Variants in BRWD1 observed in about 807,000 individuals in gnomAD.
The protein encoded by BRWD1 is bromodomain and WD repeat-containing protein 1.
In BRWD1, 82 loss-of-function variants were observed where a neutral mutation model predicts 251.2. The observed-to-expected ratio is 0.33, with a 90% CI of 0.27 to 0.39. BRWD1 has a LOEUF of 0.39. Ranked by LOEUF, BRWD1 falls within the 10% of genes least tolerant of loss-of-function variation. The pLI is 1.00. For missense variants in BRWD1, 2,233 were observed against 2,711.6 expected (o/e 0.82, Z 3.92); for synonymous variants, 918 against 902.8 (o/e 1.02, Z -0.30).
At chr21:39,202,911 T>G (rs887098782) in intron 37 of BRWD1, among the ~76,000 whole-genome samples, 37 of 152,296 alleles carry the variant, frequency 2.4e-4, no homozygotes, top group Admixed American at 2.2e-3. Flanking sequence ...CCCAACTTTC[T>G]CCTCTCTTAT....
intron 8 of BRWD1, among the ~76,000 whole-genome samples, chr21:39,281,195 G>C (rs529367744): frequency 6.6e-6 from 1 of 152,284 alleles, no homozygotes; most frequent in East Asian, 1.9e-4. Flanking sequence ...AAGGGTAACT[G>C]TACTTTTCAA....
At chr21:39,267,889 TTAAAAA>T (rs1158084926) in intron 15 of BRWD1, among the ~76,000 whole-genome samples, 1 of 152,150 alleles carries the variant, frequency 6.6e-6, no homozygotes. Flanking sequence ...TGTAAATTCT[TTAAAAA>T]TAAAAATTTC....
At chr21:39,271,318 G>A (rs1430324203) in intron 13 of BRWD1, among the ~76,000 whole-genome samples, 1 of 151,556 alleles carries the variant, frequency 6.6e-6, no homozygotes. Context: ...GATATGCAAA[G>A]GGTCTCTGCA....
chr21:39,194,676 A>G lies in BRWD1; in HGVS notation c.*1583T>C, dbSNP rs904761960. ...CTACAAAATAGGAACACTTCAGAAC[A>G]TTCTCTAACATTAATACCAGTCTGA... is the stretch of plus-strand genomic sequence containing the variant. On this transcript the variant is annotated 3_prime_UTR_variant, in exon 41 of 41. Transcript: ENST00000342449. 6.5e-7 allele frequency: 1 copy of G among 1,534,578 alleles called. No individual in the cohort carries two copies. The highest frequency in any genetic ancestry group is 8.7e-7 in the Non-Finnish European group (1 of 1,145,646).
intron 8 of BRWD1, among the ~76,000 whole-genome samples, chr21:39,288,643 C>T (rs1439351399): frequency 6.6e-6 from 1 of 152,142 alleles, no homozygotes; most frequent in Admixed American, 6.5e-5. Context: ...TAAAGCCTCA[C>T]CAATTGCATG....
intron 36 of BRWD1, among the ~76,000 whole-genome samples, chr21:39,208,254 T>C (rs1169159829): frequency 1.3e-5 from 2 of 152,170 alleles, no homozygotes; most frequent in Non-Finnish European, 1.5e-5. Context: ...CAGGGAAGAC[T>C]TGAATGAAAT....
intron 35 of BRWD1, 92 bp from the exon 36 acceptor site, chr21:39,210,239 G>C (rs1345781792): frequency 1.8e-6 from 2 of 1,103,464 alleles, no homozygotes; most frequent in South Asian, 1.6e-5. Context: ...TGAAATGATG[G>C]AAGAGAGGAA....
At chr21:39,269,858 A>G in intron 15 of BRWD1, 41 bp downstream of exon 15, 1 of 1,407,530 alleles carries the variant, frequency 7.1e-7, no homozygotes, top group Non-Finnish European at 9.4e-7. Context: ...ACTCTAAACA[A>G]ATTATCAAGC....
rs1465884118 is a variant in BRWD1 at position 39,272,771 on chromosome 21, C to T, written c.1244+1603G>A. Among the ~76,000 whole-genome samples, 5 of 151,902 alleles carry T rather than the reference C, an allele frequency of 3.3e-5. No homozygotes were observed. The East Asian group carries it at 9.8e-4, about 30-fold the overall frequency. ...TACAGGCGCATGCCACCATATCCGG[C>T]TAATTTTTCTATTTTTTTTTAGTAG... On this transcript the variant is annotated intron_variant, in intron 13 of 40. Coordinates refer to ENST00000342449, the MANE Select transcript of BRWD1 (RefSeq NM_033656.4).
intron 17 of BRWD1, among the ~76,000 whole-genome samples, chr21:39,262,777 A>C: frequency 6.6e-6 from 1 of 152,172 alleles, no homozygotes; most frequent in East Asian, 1.9e-4. Flanking sequence ...CAGAAAATGT[A>C]ACACTGATTA....
chr21:39,286,691 T>A (rs906889643), intron 8 of BRWD1, among the ~76,000 whole-genome samples: 1 of 151,902 alleles, frequency 6.6e-6, no homozygotes, highest in East Asian at 1.9e-4. Flanking sequence ...ATTTTTTGTA[T>A]TTTTAATACA....
Position 39,293,955 on chromosome 21 carries a change from T to C in BRWD1, c.687A>G (p.Ala229=). 3.1e-6 allele frequency: 5 copies of C among 1,614,202 alleles called. No individual in the cohort carries two copies. Among genetic ancestry groups the C allele is most frequent in the Middle Eastern group, 3.3e-4 (2 of 6,062 alleles). Residue 229 remains alanine (A), a synonymous_variant, in exon 8 of 41, where the codon GCA becomes GCG. Transcript: ENST00000342449. ...RLLSTLRGHS[A]EISDMAVNYE... ...AGTTTACTGCCATATCTGAAATTTC[T>C]GCAGAATGACCTCTTAATGTAGATA...
At position 39,189,049 on chromosome 21, in the gene BRWD1, A is replaced by G; in HGVS notation, c.*7210T>C. 1.0e-6 allele frequency: 1 copy of G among 985,048 alleles called. No individual in the cohort carries two copies. Among genetic ancestry groups the G allele is most frequent in the Non-Finnish European group, 1.2e-6 (1 of 829,590 alleles). 61.0% of individuals were successfully genotyped at this position (985,048 alleles called of 1,614,324 possible). On this transcript the variant is annotated 3_prime_UTR_variant, in exon 41 of 41. Coordinates refer to ENST00000342449, the MANE Select transcript of BRWD1 (RefSeq NM_033656.4). ...TCTCTTGGGAATTTTAAAATTATGA[A>G]CTAGTATCTCCAACAAGTCAACCCT...
chr21:39,295,762 G>C lies in BRWD1; in HGVS notation c.590C>G (p.Thr197Arg), dbSNP rs1335933266. 2.5e-6 allele frequency: 4 copies of C among 1,603,186 alleles called. No individual in the cohort carries two copies. ...ACTCACTGTAAAGATTCTATGTCCT[G>C]TCCTATCAAATGCTACACAGTAAAC... ...SAVYCVAFDR[T>R]GHRIFTGSDD... The change falls in exon 7 of 41, where the codon ACA becomes AGA. Residue 197 changes from threonine (T) to arginine (R), a missense_variant. This residue lies in a region of BRWD1 where 185 missense variants were observed against 260.6 expected (regional missense o/e 0.71). Transcript: ENST00000342449.
chr21:39,212,792 C>A, intron 33 of BRWD1, 85 bp from the exon 34 acceptor site: 1 of 958,020 alleles, frequency 1.0e-6, no homozygotes, highest in Non-Finnish European at 1.6e-6. Flanking sequence ...ATATCAAAGA[C>A]ATTTGGTATT....
At chr21:39,273,664 G>A (rs897182225) in intron 13 of BRWD1, among the ~76,000 whole-genome samples, 1 of 150,048 alleles carries the variant, frequency 6.7e-6, no homozygotes, top group African/African-American at 2.4e-5. Flanking sequence ...GAGATGGGGG[G>A]ACTGCCTGAG....
chr21:39,303,008 G>A (rs1007535861), intron 4 of BRWD1, among the ~76,000 whole-genome samples: 6 of 151,230 alleles, frequency 4.0e-5, no homozygotes, highest in East Asian at 3.9e-4. Flanking sequence ...GCAGTGAGCC[G>A]AGATCACACC....
Position 39,188,244 on chromosome 21 carries a change from T to C in BRWD1, c.*8015A>G, listed in dbSNP as rs912957457. The C allele has an allele frequency of 2.4e-5, 24 of 985,316 alleles. No individual in the cohort carries two copies. Among genetic ancestry groups the C allele is most frequent in the Non-Finnish European group, 2.9e-5 (24 of 829,928 alleles). 61.0% of individuals were successfully genotyped at this position (985,316 alleles called of 1,614,324 possible). On this transcript the variant is annotated 3_prime_UTR_variant, in exon 41 of 41. Transcript: ENST00000342449. ...GAATTTTAGGTCTTTCTTGCAGCCA[T>C]GAACAGTCAAACTATCTAAAACTGC...
At chr21:39,255,555 A>T in intron 19 of BRWD1, 90 bp downstream of exon 19, 1 of 1,066,776 alleles carries the variant, frequency 9.4e-7, no homozygotes, top group Non-Finnish European at 1.4e-6. Context: ...ACAATTATTT[A>T]CACAATTAAT....
Sources: allele counts gnomAD v4.1 joint callset (sites outside exome capture counted in the v4.1 genomes callset), GRCh38; gene constraint gnomAD v4.1.1; regional missense constraint gnomAD v4.1.1; transcripts MANE v1.5; gene names NCBI Gene and HGNC (gene_info 2026-07-23, HGNC 2026-07-21).